Variants in LYPLAL1 observed in about 807,000 individuals in gnomAD.
LYPLAL1 encodes lysophospholipase-like protein 1.
A neutral mutation model predicts 19.7 loss-of-function variants in LYPLAL1; 23 were observed. That is an observed-to-expected ratio of 1.17 (90% CI 0.84 to 1.65). The LOEUF (loss-of-function observed/expected upper bound fraction) is 1.65, where lower values mean the gene tolerates loss of function less well. LYPLAL1 is among the 40% of genes most tolerant of loss of function. The pLI, the probability that LYPLAL1 is intolerant of heterozygous loss-of-function variation, is 0.00. For missense variants in LYPLAL1, 355 were observed against 279.4 expected, an observed-to-expected ratio of 1.27 and a Z score of -1.93; for synonymous variants, 119 against 96.3, an observed-to-expected ratio of 1.24 and a Z score of -1.38.
chr1:219,357,271 G>C, the LYPLAL1 span, among the ~76,000 whole-genome samples: 1 of 152,066 alleles, frequency 6.6e-6, no homozygotes, highest in Admixed American at 6.6e-5. Flanking sequence ...AATTCCACAA[G>C]TTCTTTGGCT....
chr1:219,216,317 A>C (rs1270583572), downstream of LYPLAL1, among the ~76,000 whole-genome samples: 1 of 152,102 alleles, frequency 6.6e-6, no homozygotes, highest in Non-Finnish European at 1.5e-5. Context: ...GATTCTAGAC[A>C]TGTGAGCTCT....
chr1:219,419,209 A>G, the LYPLAL1 span, among the ~76,000 whole-genome samples: 2 of 152,156 alleles, frequency 1.3e-5, no homozygotes, highest in Admixed American at 1.3e-4. Flanking sequence ...TGCTAAGAGT[A>G]TGTTTAGTTT....
At chr1:219,207,208 A>AT (rs5781094) in intron 3 of LYPLAL1, among the ~76,000 whole-genome samples, 147,094 of 152,082 alleles carry the variant, frequency 0.97, 71,335 homozygotes, top group East Asian at 1. Context: ...TCGCGTGTGG[A>AT]TTTTCTTTAA....
chr1:219,248,072 C>A, the LYPLAL1 span, among the ~76,000 whole-genome samples: 8 of 152,190 alleles, frequency 5.3e-5, no homozygotes, highest in South Asian at 2.1e-4. Context: ...GTTAAAGAGT[C>A]AAATTTTCCA....
At chr1:219,384,014 C>T in the LYPLAL1 span, among the ~76,000 whole-genome samples, 1 of 152,214 alleles carries the variant, frequency 6.6e-6, no homozygotes, top group South Asian at 2.1e-4. Flanking sequence ...AGCCAACCTT[C>T]CCCTCTCCTT....
At chr1:219,218,654 C>T in the LYPLAL1 span, among the ~76,000 whole-genome samples, 5 of 152,024 alleles carry the variant, frequency 3.3e-5, no homozygotes, top group Non-Finnish European at 7.4e-5. Context: ...TATGATCACT[C>T]AAGACAGCCG....
the LYPLAL1 span, among the ~76,000 whole-genome samples, chr1:219,402,384 T>C: frequency 2.6e-5 from 4 of 152,170 alleles, no homozygotes; most frequent in Admixed American, 6.5e-5. Context: ...TTATTTTATT[T>C]TGTTTTTCAG....
At chr1:219,311,446 T>TATCAGC in the LYPLAL1 span, among the ~76,000 whole-genome samples, 1 of 152,056 alleles carries the variant, frequency 6.6e-6, no homozygotes, top group Admixed American at 6.5e-5. Context: ...GTAGGAACAA[T>TATCAGC]ATCAGCATTA....
the LYPLAL1 span, among the ~76,000 whole-genome samples, chr1:219,412,203 T>C: frequency 6.6e-6 from 1 of 152,110 alleles, no homozygotes; most frequent in African/African-American, 2.4e-5. Flanking sequence ...ACCCAGCTAA[T>C]TTTTTGTAGA....
the LYPLAL1 span, among the ~76,000 whole-genome samples, chr1:219,391,770 A>G: frequency 6.6e-6 from 1 of 152,078 alleles, no homozygotes; most frequent in Non-Finnish European, 1.5e-5. Flanking sequence ...TCCTCAGTCT[A>G]TTGAACTCTT....
chr1:219,187,889 T>C (rs2125050927), intron 2 of LYPLAL1, among the ~76,000 whole-genome samples: 1 of 151,834 alleles, frequency 6.6e-6, no homozygotes. Flanking sequence ...ATGTACTTCT[T>C]TGGTAAGTAT....
Position 219,210,647 on chromosome 1 carries a change from G to A in LYPLAL1, c.477G>A (p.Gln159=). ...SFLNKASAVY[Q]ALQKSNGVLP... is the part of the protein sequence containing the mutation. ...TGAATAAAGCATCTGCTGTTTACCA[G>A]GTAAGTTCCAGATTTAAAAAAAAAT... The change falls in exon 4 of 5, where the codon CAG becomes CAA. Residue 159 remains glutamine (Q), a splice_region_variant and synonymous_variant. Coordinates refer to ENST00000366928, the MANE Select transcript of LYPLAL1 (RefSeq NM_138794.5). 1 of 1,598,944 alleles carries A rather than the reference G, an allele frequency of 6.3e-7. No homozygotes were observed. The highest frequency in any genetic ancestry group is 8.5e-7 in the Non-Finnish European group (1 of 1,174,054).
At chr1:219,268,726 T>A in the LYPLAL1 span, among the ~76,000 whole-genome samples, 3 of 152,220 alleles carry the variant, frequency 2.0e-5, no homozygotes, top group Admixed American at 1.3e-4. Flanking sequence ...TCTACATTAC[T>A]CTAGGGAAAC....
the LYPLAL1 span, among the ~76,000 whole-genome samples, chr1:219,260,834 C>T: frequency 1.3e-5 from 2 of 151,428 alleles, no homozygotes; most frequent in Admixed American, 6.6e-5. Context: ...ACAAAAAAAC[C>T]TTTAATAGTT....
the LYPLAL1 span, among the ~76,000 whole-genome samples, chr1:219,384,901 C>T: frequency 2.4e-4 from 37 of 152,246 alleles, 1 homozygote; most frequent in African/African-American, 8.4e-4. Context: ...GTTTCATTGC[C>T]AACAAATGAG....
the LYPLAL1 span, among the ~76,000 whole-genome samples, chr1:219,362,931 A>T: frequency 5.9e-5 from 9 of 152,138 alleles, no homozygotes; most frequent in African/African-American, 2.2e-4. Flanking sequence ...TCAGGCAGGA[A>T]GGGGATAGAT....
downstream of LYPLAL1, among the ~76,000 whole-genome samples, chr1:219,213,903 C>T (rs1188814114): frequency 2.6e-5 from 4 of 152,072 alleles, no homozygotes; most frequent in Non-Finnish European, 5.9e-5. Flanking sequence ...TTGCATATTA[C>T]ACTGGCTAGA....
chr1:219,207,128 GACACATAATTC>G (rs1658638959), intron 3 of LYPLAL1, among the ~76,000 whole-genome samples: 1 of 152,012 alleles, frequency 6.6e-6, no homozygotes, highest in Non-Finnish European at 1.5e-5. Context: ...ACATTTGGCA[GACACATAATTC>G]AGGCTCTTGA....
chr1:219,409,303 G>A, the LYPLAL1 span, among the ~76,000 whole-genome samples: 37,362 of 151,956 alleles, frequency 0.25, 4,701 homozygotes, highest in Non-Finnish European at 0.28. Flanking sequence ...ACAAAAATTA[G>A]CCGGGTGTGG....
Sources: gnomAD v4.1 joint callset for allele counts (sites outside exome capture counted in the v4.1 genomes callset) on GRCh38, gnomAD v4.1.1 for gene constraint, MANE v1.5 for transcripts, NCBI Gene and HGNC (gene_info 2026-07-23, HGNC 2026-07-21) for gene names.